ST8SIA1: variants seen among roughly 807,000 people sequenced by gnomAD.
ST8SIA1 encodes the protein alpha-N-acetylneuraminide alpha-2,8-sialyltransferase.
Under a neutral mutation model 35.9 loss-of-function variants are expected in ST8SIA1, and 16 were observed. That is an observed-to-expected ratio of 0.45 (90% CI 0.30 to 0.68). The LOEUF is 0.68. ST8SIA1 is among the 30% of genes least tolerant of loss of function. The probability of loss-of-function intolerance (pLI) is 0.09; values close to 1 mark genes in which losing one functional copy is unlikely to be tolerated. For missense variants in ST8SIA1, 383 were observed against 453.6 expected (o/e 0.84, Z 1.41); for synonymous variants, 170 against 169.6 (o/e 1.00, Z -0.02).
chr12:22,295,419 A>G (rs1329456209), intron 1 of ST8SIA1, among the ~76,000 whole-genome samples: 1 of 152,170 alleles, frequency 6.6e-6, no homozygotes, highest in East Asian at 1.9e-4. Flanking sequence ...TAAGAAAAGT[A>G]GGACTCAAAG....
intron 2 of ST8SIA1, among the ~76,000 whole-genome samples, chr12:22,277,820 C>A (rs146118146): frequency 6.6e-6 from 1 of 152,054 alleles, no homozygotes; most frequent in Non-Finnish European, 1.5e-5. Flanking sequence ...AAACATAAGA[C>A]CCTGGTGTCC....
chr12:22,301,048 AT>A (rs1229724302), intron 1 of ST8SIA1, among the ~76,000 whole-genome samples: 1 of 152,076 alleles, frequency 6.6e-6, no homozygotes, highest in African/African-American at 2.4e-5. Flanking sequence ...AATAATTATA[AT>A]TGTTATAATA....
At chr12:22,289,842 T>G (rs1230047254) in intron 1 of ST8SIA1, among the ~76,000 whole-genome samples, 1 of 152,244 alleles carries the variant, frequency 6.6e-6, no homozygotes, top group African/African-American at 2.4e-5. Context: ...ATTTGTTTCC[T>G]CTTTGCATCC....
chr12:22,241,559 A>G (rs1191774844), intron 4 of ST8SIA1, among the ~76,000 whole-genome samples: 2 of 150,868 alleles, frequency 1.3e-5, no homozygotes, highest in Non-Finnish European at 1.5e-5. Context: ...CCAGGAGCCA[A>G]TTAAACCTCT....
chr12:22,296,110 G>C (rs1432936221), intron 1 of ST8SIA1, among the ~76,000 whole-genome samples: 1 of 152,178 alleles, frequency 6.6e-6, no homozygotes, highest in African/African-American at 2.4e-5. Context: ...CAAAGAACAA[G>C]TGCAGAGGCC....
At chr12:22,243,954 C>A (rs984814109) in intron 4 of ST8SIA1, among the ~76,000 whole-genome samples, 1 of 151,650 alleles carries the variant, frequency 6.6e-6, no homozygotes. Context: ...TCTCTTGAAC[C>A]GGGAGGCAGA....
chr12:22,281,612 T>C (rs1297877873), intron 2 of ST8SIA1, among the ~76,000 whole-genome samples: 1 of 152,138 alleles, frequency 6.6e-6, no homozygotes, highest in Non-Finnish European at 1.5e-5. Context: ...TAGAGTATTG[T>C]ATGGGAAACT....
chr12:22,325,852 T>C (rs528662487), intron 1 of ST8SIA1: 2 of 701,900 alleles, frequency 2.8e-6, no homozygotes, highest in South Asian at 1.5e-5. Flanking sequence ...TCGGTGTTCC[T>C]TGAACACAAG....
At position 22,227,196 on chromosome 12, in the gene ST8SIA1, G is replaced by A. The variant is rs567414897; in HGVS notation, c.584+21810C>T. ...CTTGACCTTATGATCCACCTGCCTC[G>A]GCCTCTCAAAGTGCTGGGATTACTG... On this transcript the variant is annotated intron_variant, in intron 4 of 4. Coordinates refer to ENST00000396037, the MANE Select transcript of ST8SIA1 (RefSeq NM_003034.4). Among the ~76,000 whole-genome samples the A allele has an allele frequency of 7.2e-5, 11 of 151,858 alleles. No individual in the cohort carries two copies. In the East Asian group the frequency reaches 1.4e-3, roughly 19 times the overall value.
At chr12:22,319,691 G>A (rs930705733) in intron 1 of ST8SIA1, among the ~76,000 whole-genome samples, 4 of 152,104 alleles carry the variant, frequency 2.6e-5, no homozygotes, top group African/African-American at 9.7e-5. Flanking sequence ...GAACATGAAG[G>A]GAAAATTGGG....
At chr12:22,317,828 G>A (rs1565595005) in intron 1 of ST8SIA1, among the ~76,000 whole-genome samples, 1 of 152,136 alleles carries the variant, frequency 6.6e-6, no homozygotes, top group South Asian at 2.1e-4. Flanking sequence ...GGGATCACTG[G>A]GACCCATCTT....
In ST8SIA1 at chr12:22,304,340, T is replaced by C. The variant is rs1323673003; in HGVS notation, c.237-17047A>G. On this transcript the variant is annotated intron_variant, in intron 1 of 4. Coordinates refer to ENST00000396037, the MANE Select transcript of ST8SIA1 (RefSeq NM_003034.4). Reference sequence around the variant, plus strand: ...ACCTTGTCTTTTTCTTTTTCTTTTTTTTTTTTTTTTTTTTTGAGCAAAAGT... The same window carrying C: ...ACCTTGTCTTTTTCTTTTTCTTTTTCTTTTTTTTTTTTTTTGAGCAAAAGT... Among the ~76,000 whole-genome samples, 6 of 140,206 alleles carry C rather than the reference T, an allele frequency of 4.3e-5. No homozygotes were observed. The South Asian group carries it at 6.4e-4, about 15-fold the overall frequency. 92.0% of individuals were successfully genotyped at this position (140,206 alleles called of 152,430 possible).
At chr12:22,217,401 C>A (rs1261257268) in intron 4 of ST8SIA1, among the ~76,000 whole-genome samples, 1 of 152,048 alleles carries the variant, frequency 6.6e-6, no homozygotes, top group Non-Finnish European at 1.5e-5. Flanking sequence ...TAAAGCAACA[C>A]CTTATATTTT....
At chr12:22,306,276 C>T (rs552297337) in intron 1 of ST8SIA1, among the ~76,000 whole-genome samples, 8 of 152,272 alleles carry the variant, frequency 5.3e-5, no homozygotes, top group Admixed American at 2.6e-4. Context: ...GTCATGGGCA[C>T]GTCCTCAATC....
chr12:22,236,553 G>A (rs552641734), intron 4 of ST8SIA1, among the ~76,000 whole-genome samples: 1 of 152,278 alleles, frequency 6.6e-6, no homozygotes, highest in East Asian at 1.9e-4. Context: ...GGTACAAATT[G>A]TTGGCCCAGT....
chr12:22,282,149 C>A (rs988477689), intron 2 of ST8SIA1, among the ~76,000 whole-genome samples: 11 of 152,176 alleles, frequency 7.2e-5, no homozygotes, highest in Non-Finnish European at 1.6e-4. Context: ...GAATCCATGT[C>A]TTCTAAGGAA....
chr12:22,241,598 ATTTTTTTTTTT>A (rs71053392), intron 4 of ST8SIA1, among the ~76,000 whole-genome samples: 2 of 104,380 alleles, frequency 1.9e-5, no homozygotes, highest in African/African-American at 7.2e-5. Context: ...AGACTCCGGT[ATTTTTTTTTTT>A]TTTTTTTTTT....
Position 22,197,631 on chromosome 12 carries a change from AATC to A in ST8SIA1, c.*3918_*3920del, listed in dbSNP as rs1310700086. On this transcript the variant is annotated 3_prime_UTR_variant, in exon 5 of 5. Transcript: ENST00000396037. ...TAACACTCTTGTAAAGCCTTTGACT[AATC>A]CAAGGGTATTTTTGGCAAATTTAAA... is the stretch of plus-strand genomic sequence containing the variant. 5.3e-5 allele frequency: 8 copies of A among 152,238 alleles called. No individual in the cohort carries two copies. Among genetic ancestry groups the A allele is most frequent in the Non-Finnish European group, 1.0e-4 (7 of 68,040 alleles). The allele number at this position is 152,238 out of a possible 1,614,324, so 9.4% of individuals were successfully genotyped here.
rs113304048 is a variant in ST8SIA1 at position 22,334,111 on chromosome 12, C to T, written c.122G>A (p.Cys41Tyr). The T allele has an allele frequency of 2.1e-4, 337 of 1,614,108 alleles. 2 individuals carry two copies. The African/African-American group carries it at 3.5e-3, about 17-fold the overall frequency. ...GTAGACGGGGAAGATGTAGAGCCAA[C>T]AGAGGACCACGACACAGAGGGCACT... ...GASALCVVVLCWLYIFPVYRL... is the reference protein window; with the variant it reads ...GASALCVVVLYWLYIFPVYRL... Residue 41 changes from cysteine to tyrosine, a missense_variant, in exon 1 of 5, where the codon TGT becomes TAT. By Grantham distance (194) the Cys-to-Tyr change is radical. Coordinates refer to ENST00000396037, the MANE Select transcript of ST8SIA1 (RefSeq NM_003034.4).
Sources: gnomAD v4.1 joint callset for allele counts (sites outside exome capture counted in the v4.1 genomes callset) on GRCh38, gnomAD v4.1.1 for gene constraint, MANE v1.5 for transcripts, NCBI Gene and HGNC (gene_info 2026-07-23, HGNC 2026-07-21) for gene names.